C2CD5: variants seen among roughly 807,000 people sequenced by gnomAD.
C2CD5 encodes the protein C2 calcium dependent domain containing 5.
In C2CD5, 109 loss-of-function variants were observed where a neutral mutation model predicts 130.3. The ratio of observed to expected loss-of-function variants is 0.84; its 90% CI spans 0.72 to 0.98. The LOEUF (loss-of-function observed/expected upper bound fraction) is 0.98. Ranked by LOEUF, C2CD5 falls within the 50% of genes least tolerant of loss-of-function variation. The pLI is 0.00. For synonymous variants in C2CD5, 454 were observed against 429.2 expected (o/e 1.06, Z -0.71); for missense variants, 996 against 1,261.8 (o/e 0.79, Z 3.19).
At chr12:22,515,965 T>A (rs2136920132) in intron 8 of C2CD5, among the ~76,000 whole-genome samples, 1 of 151,334 alleles carries the variant, frequency 6.6e-6, no homozygotes, top group East Asian at 2.0e-4. Context: ...CTTGTAAATG[T>A]CAAAAATTAG....
At chr12:22,456,459 A>G (rs1430090141) in intron 25 of C2CD5, among the ~76,000 whole-genome samples, 2 of 152,186 alleles carry the variant, frequency 1.3e-5, no homozygotes, top group Non-Finnish European at 2.9e-5. Context: ...TTAAAAACCA[A>G]ATTAAAGTTT....
At chr12:22,502,933 A>G (rs563204157) in intron 10 of C2CD5, 52 of 587,328 alleles carry the variant, frequency 8.9e-5, no homozygotes, top group Non-Finnish European at 1.4e-4. Flanking sequence ...CATAGACAGC[A>G]GAGTTAATAA....
At chr12:22,518,328 T>A (rs1211394605) in intron 7 of C2CD5, among the ~76,000 whole-genome samples, 191 bp from the exon 8 acceptor site, 3 of 152,136 alleles carry the variant, frequency 2.0e-5, no homozygotes, top group Non-Finnish European at 4.4e-5. Context: ...AAATATTATC[T>A]GCATTGAAAC....
intron 8 of C2CD5, among the ~76,000 whole-genome samples, chr12:22,517,548 T>G (rs1023753883): frequency 6.6e-6 from 1 of 152,116 alleles, no homozygotes; most frequent in African/African-American, 2.4e-5. Context: ...AGATGTACTC[T>G]AATATAACCA....
chr12:22,465,030 G>GA (rs1489186091), intron 22 of C2CD5, among the ~76,000 whole-genome samples: 1 of 152,066 alleles, frequency 6.6e-6, no homozygotes, highest in Admixed American at 6.6e-5. Flanking sequence ...GTTTAACAAA[G>GA]AAAAAGTAAC....
At chr12:22,456,769 C>T (rs942239413) in intron 25 of C2CD5, among the ~76,000 whole-genome samples, 2 of 152,066 alleles carry the variant, frequency 1.3e-5, no homozygotes, top group African/African-American at 4.8e-5. Flanking sequence ...AGATTTCTAA[C>T]AATAAATAGG....
intron 25 of C2CD5, among the ~76,000 whole-genome samples, chr12:22,455,914 G>A (rs993587634): frequency 6.6e-6 from 1 of 152,094 alleles, no homozygotes; most frequent in African/African-American, 2.4e-5. Context: ...CAAACTGCTG[G>A]CCTCAAGCAA....
intron 14 of C2CD5, among the ~76,000 whole-genome samples, chr12:22,481,713 G>A (rs1237982254): frequency 7.4e-6 from 1 of 135,072 alleles, no homozygotes; most frequent in Non-Finnish European, 1.5e-5. Flanking sequence ...GGAGTGCAGT[G>A]ATGTGATCAG....
chr12:22,478,023 ACACACT>A (rs927549391), intron 15 of C2CD5: 55 of 365,920 alleles, frequency 1.5e-4, no homozygotes, highest in African/African-American at 8.2e-4. Flanking sequence ...ACACACACAC[ACACACT>A]CACACACACA....
At chr12:22,509,444 C>T (rs1406156219) in intron 9 of C2CD5, among the ~76,000 whole-genome samples, 2 of 150,764 alleles carry the variant, frequency 1.3e-5, no homozygotes, top group Non-Finnish European at 3.0e-5. Context: ...AAGAAACACA[C>T]AGGGCGATGG....
chr12:22,474,776 C>A lies in C2CD5; in HGVS notation c.2018G>T (p.Gly673Val). Residue 673 changes from glycine (G) to valine (V), a missense_variant, in exon 16 of 27, where the codon GGG becomes GTG. Around this residue, in one of 9 missense-constraint regions of C2CD5, gnomAD observed 590 missense variants for 631.4 expected, o/e 0.93. Coordinates refer to ENST00000446597, the MANE Select transcript of C2CD5 (RefSeq NM_001286176.2). ...CTCCAAAACAAAAGCATCTTTTTTC[C>A]CATGTGAAAGGTCTAATTCTGTAAC... ...DEVTELDLSH[G>V]KKDAFVLEID... The A allele has an allele frequency of 6.2e-7, 1 of 1,601,568 alleles. No homozygotes were observed. The highest frequency in any genetic ancestry group is 8.5e-7 in the Non-Finnish European group (1 of 1,174,434).
intron 12 of C2CD5, among the ~76,000 whole-genome samples, chr12:22,487,142 T>C (rs1278897046): frequency 4.6e-5 from 7 of 152,152 alleles, no homozygotes; most frequent in African/African-American, 1.7e-4. Flanking sequence ...GACATAGGCA[T>C]GGACAAGGAC....
Position 22,509,034 on chromosome 12 carries a change from G to A in C2CD5, c.1039-2215C>T, listed in dbSNP as rs542006423. Among the ~76,000 whole-genome samples, 10 of 151,466 alleles carry A rather than the reference G, an allele frequency of 6.6e-5. No homozygotes were observed. In the East Asian group the frequency reaches 1.2e-3, roughly 18 times the overall value. ...TGGGACTACAGGCGCCCGCCACCGC[G>A]CCCGGCTAATTTTTTGTATTTTTTT... On this transcript the variant is annotated intron_variant, in intron 9 of 26. Coordinates refer to ENST00000446597, the MANE Select transcript of C2CD5 (RefSeq NM_001286176.2).
intron 20 of C2CD5, 36 bp downstream of exon 20, chr12:22,471,363 C>A: frequency 3.7e-6 from 4 of 1,071,242 alleles, no homozygotes; most frequent in Admixed American, 1.9e-5. Flanking sequence ...TAAAACAGAT[C>A]AGATAAAGAC....
intron 15 of C2CD5, among the ~76,000 whole-genome samples, chr12:22,476,861 C>G (rs1462974543): frequency 1.3e-5 from 2 of 151,982 alleles, no homozygotes; most frequent in Admixed American, 6.6e-5. Flanking sequence ...CAAAGCTTTA[C>G]AAATCATTTT....
Position 22,482,867 on chromosome 12 carries a change from T to C in C2CD5, c.1551-124A>G, listed in dbSNP as rs1944925660. 3 of 684,010 alleles carry C rather than the reference T, an allele frequency of 4.4e-6. No individual in the cohort carries two copies. The South Asian group carries it at 5.3e-5, about 12-fold the overall frequency. The allele number at this position is 684,010 out of a possible 1,614,324, so 42.4% of individuals were successfully genotyped here. A position where few individuals can be genotyped will look rare whatever the true frequency, so the allele number is the denominator to read the frequency against. On this transcript the variant is annotated intron_variant, in intron 13 of 26. Coordinates refer to ENST00000446597, the MANE Select transcript of C2CD5 (RefSeq NM_001286176.2). ...ACTTGTTTCTAATGGGCTTACTGAG[T>C]TATATCAATAATCTGTTCTGCTTTT...
chr12:22,532,728 G>C (rs1174413319), intron 3 of C2CD5, among the ~76,000 whole-genome samples: 2 of 152,144 alleles, frequency 1.3e-5, no homozygotes, highest in African/African-American at 4.8e-5. Flanking sequence ...CATGATCAAA[G>C]CATCTTTCAA....
chr12:22,465,638 C>T (rs1941941750), intron 22 of C2CD5, among the ~76,000 whole-genome samples: 1 of 151,788 alleles, frequency 6.6e-6, no homozygotes, highest in African/African-American at 2.4e-5. Context: ...ACCCAGATTC[C>T]CCCCCATTTT....
chr12:22,451,545 C>T (rs889665194), intron 26 of C2CD5, among the ~76,000 whole-genome samples: 6 of 152,086 alleles, frequency 3.9e-5, no homozygotes, highest in Non-Finnish European at 8.8e-5. Flanking sequence ...TATTTGGGTA[C>T]AGAGGAAGAC....
Sources: gnomAD v4.1 joint callset for allele counts (sites outside exome capture counted in the v4.1 genomes callset) on GRCh38, gnomAD v4.1.1 for gene constraint, gnomAD v4.1.1 regional missense constraint, MANE v1.5 for transcripts, NCBI Gene and HGNC (gene_info 2026-07-23, HGNC 2026-07-21) for gene names.